ABCC4: variants seen among roughly 807,000 people sequenced by gnomAD.
The protein encoded by ABCC4 is ATP-binding cassette sub-family C member 4.
ABCC4 carries 102 observed loss-of-function variants against 168.5 expected under a neutral mutation model. That is an observed-to-expected ratio of 0.61 (90% CI 0.52 to 0.71). ABCC4 has a LOEUF of 0.71. Ranked by LOEUF, ABCC4 falls within the 30% of genes least tolerant of loss-of-function variation. The pLI is 0.00. For synonymous variants in ABCC4, 617 were observed against 590.7 expected (o/e 1.04, Z -0.65); for missense variants, 1,402 against 1,605.8 (o/e 0.87, Z 2.17).
intron 20 of ABCC4, among the ~76,000 whole-genome samples, chr13:95,107,238 CAA>C (rs2035039543): frequency 1.3e-5 from 2 of 152,106 alleles, no homozygotes; most frequent in Non-Finnish European, 1.5e-5. Flanking sequence ...GCTTCGGTGA[CAA>C]GAGTGAAACT....
chr13:95,125,801 T>C (rs2035738689), intron 19 of ABCC4, among the ~76,000 whole-genome samples: 1 of 152,142 alleles, frequency 6.6e-6, no homozygotes, highest in Non-Finnish European at 1.5e-5. Context: ...TATTTTACAT[T>C]TGCTAAAAAG....
chr13:95,266,654 G>T (rs535538497), intron 1 of ABCC4, among the ~76,000 whole-genome samples: 1 of 152,068 alleles, frequency 6.6e-6, no homozygotes, highest in Admixed American at 6.5e-5. Flanking sequence ...CAGAGCCCTC[G>T]CACCAACAAG....
At chr13:95,296,884 C>T (rs1052591184) in intron 1 of ABCC4, among the ~76,000 whole-genome samples, 14 of 152,022 alleles carry the variant, frequency 9.2e-5, no homozygotes, top group Non-Finnish European at 1.3e-4. Flanking sequence ...ATGGGGAAAA[C>T]GAGCTGTTTG....
rs1318450647 is a variant in ABCC4 at position 95,166,293 on chromosome 13, C to T, written c.1899G>A (p.Lys633=). The change falls in exon 15 of 31, where the codon AAG becomes AAA. Residue 633 remains lysine, a synonymous_variant. Coordinates refer to ENST00000645237, the MANE Select transcript of ABCC4 (RefSeq NM_005845.5). ...GAGGTTGTTCACTTTCCTCATTATC[C>T]TTCTTTAAAAGGGAGCCAAAATCTA... ...SGIDFGSLLK[K]DNEESEQPPV... 2 of 1,613,918 alleles carry T rather than the reference C, an allele frequency of 1.2e-6. No individual in the cohort carries two copies. Among genetic ancestry groups the T allele is most frequent in the East Asian group, 4.5e-5 (2 of 44,890 alleles).
At chr13:95,205,531 T>A (rs529579604) in intron 8 of ABCC4, among the ~76,000 whole-genome samples, 7 of 152,240 alleles carry the variant, frequency 4.6e-5, no homozygotes, top group African/African-American at 1.7e-4. Flanking sequence ...AACTTATTCA[T>A]AAACACACAA....
At chr13:95,146,477 T>C (rs2036498352) in intron 19 of ABCC4, among the ~76,000 whole-genome samples, 1 of 152,228 alleles carries the variant, frequency 6.6e-6, no homozygotes. Context: ...GGTTACCTTA[T>C]GCAAAATTCC....
chr13:95,239,838 T>C (rs2039881391), intron 3 of ABCC4, among the ~76,000 whole-genome samples: 1 of 152,238 alleles, frequency 6.6e-6, no homozygotes, highest in Non-Finnish European at 1.5e-5. Context: ...ATCAAAGAGT[T>C]GATAATGGCA....
At chr13:95,250,386 G>A (rs1260791125) in intron 1 of ABCC4, among the ~76,000 whole-genome samples, 2 of 152,106 alleles carry the variant, frequency 1.3e-5, no homozygotes, top group African/African-American at 4.8e-5. Context: ...AATGACTACT[G>A]CCATATTATT....
chr13:95,045,481 T>G (rs2032538268), intron 27 of ABCC4, among the ~76,000 whole-genome samples: 1 of 152,194 alleles, frequency 6.6e-6, no homozygotes, highest in African/African-American at 2.4e-5. Context: ...AGTAGGTCAG[T>G]ACATTTTCTA....
In ABCC4 at chr13:95,256,007, G is replaced by A. The variant is rs1195822824; in HGVS notation, c.75-8254C>T. ...CATCTACAGCCATTGTGCATGATTAGCCATCTTAGTCTTCTTCCTTAAAAA... is the reference window on the plus strand; with the variant it reads ...CATCTACAGCCATTGTGCATGATTAACCATCTTAGTCTTCTTCCTTAAAAA... On this transcript the variant is annotated intron_variant, in intron 1 of 30. Transcript: ENST00000645237. Among the ~76,000 whole-genome samples the A allele has an allele frequency of 6.6e-5, 10 of 152,168 alleles. No homozygotes were observed. In the South Asian group the frequency reaches 1.2e-3, roughly 19 times the overall value.
At chr13:95,281,391 G>A (rs2041123558) in intron 1 of ABCC4, among the ~76,000 whole-genome samples, 1 of 151,286 alleles carries the variant, frequency 6.6e-6, no homozygotes, top group Non-Finnish European at 1.5e-5. Context: ...AGCTTACACT[G>A]GACAGGCTTT....
intron 30 of ABCC4, among the ~76,000 whole-genome samples, chr13:95,025,219 A>ACACCCATACACACACACCCCCACAC (rs1566350786): frequency 4.2e-5 from 1 of 23,620 alleles, no homozygotes; most frequent in African/African-American, 2.4e-4. Flanking sequence ...CCCCCCACAC[A>ACACCCATACACACACACCCCCACAC]CCCCCACACA....
chr13:95,155,563 A>C (rs1383321081), intron 19 of ABCC4, among the ~76,000 whole-genome samples: 1 of 152,152 alleles, frequency 6.6e-6, no homozygotes, highest in African/African-American at 2.4e-5. Context: ...TTAATCTATA[A>C]AGAAAAAAGA....
At chr13:95,112,663 T>C (rs2035245326) in intron 20 of ABCC4, among the ~76,000 whole-genome samples, 1 of 152,184 alleles carries the variant, frequency 6.6e-6, no homozygotes, top group Non-Finnish European at 1.5e-5. Context: ...AAGGGTAACA[T>C]CTTGACAAAG....
In ABCC4 at chr13:95,269,282, CAA is replaced by C. The variant is rs2040773777; in HGVS notation, c.75-21531_75-21530del. On this transcript the variant is annotated intron_variant, in intron 1 of 30. Coordinates refer to ENST00000645237, the MANE Select transcript of ABCC4 (RefSeq NM_005845.5). ...CTAAATCTTCCAAATACAGAGCCTA[CAA>C]CCTGTCAGCAGCACAAGCAGCTCAC... The C allele has an allele frequency of 4.6e-5, 10 of 216,280 alleles. 1 individual carries two copies. The highest frequency in any genetic ancestry group is 4.4e-4 in the African/African-American group (3 of 6,774). The allele number at this position is 216,280 out of a possible 1,614,324, so 13.4% of individuals were successfully genotyped here.
chr13:95,202,824 T>C (rs570152169), intron 8 of ABCC4, among the ~76,000 whole-genome samples: 11 of 151,800 alleles, frequency 7.2e-5, no homozygotes, highest in African/African-American at 2.7e-4. Flanking sequence ...GATTTTGTTG[T>C]TGTTGTTTTA....
At chr13:95,060,062 T>A (rs1422572422) in intron 26 of ABCC4, among the ~76,000 whole-genome samples, 2 of 152,252 alleles carry the variant, frequency 1.3e-5, no homozygotes, top group Non-Finnish European at 2.9e-5. Flanking sequence ...GTCTGCTGAA[T>A]GATTTCCTGG....
At chr13:95,114,860 C>A (rs1024689572) in intron 20 of ABCC4, among the ~76,000 whole-genome samples, 1 of 152,104 alleles carries the variant, frequency 6.6e-6, no homozygotes, top group Non-Finnish European at 1.5e-5. Context: ...GAGAAAAAAG[C>A]AGGGGTAGGG....
intron 14 of ABCC4, 108 bp downstream of exon 14, chr13:95,170,424 A>G: frequency 1.6e-6 from 1 of 624,028 alleles, no homozygotes; most frequent in Non-Finnish European, 2.7e-6. Flanking sequence ...ATACTTAAAA[A>G]CATGAATCCC....
Sources: gnomAD v4.1 joint callset for allele counts (sites outside exome capture counted in the v4.1 genomes callset) on GRCh38, gnomAD v4.1.1 for gene constraint, MANE v1.5 for transcripts, NCBI Gene and HGNC (gene_info 2026-07-23, HGNC 2026-07-21) for gene names.